Variants in SNW1 observed in about 807,000 individuals in gnomAD.
SNW1 encodes the protein SNW domain-containing protein 1.
Under a neutral mutation model 75.6 loss-of-function variants are expected in SNW1, and 9 were observed. That is an observed-to-expected ratio of 0.12 (90% CI 0.07 to 0.21). The LOEUF (loss-of-function observed/expected upper bound fraction) is 0.21. SNW1 is among the 10% of genes least tolerant of loss of function. The pLI is 1.00. For missense variants in SNW1, 409 were observed against 670.9 expected (o/e 0.61, Z 4.31); for synonymous variants, 200 against 219.1 (o/e 0.91, Z 0.77).
chr14:77,752,893 G>C (rs1316066283), intron 2 of SNW1, among the ~76,000 whole-genome samples: 1 of 152,164 alleles, frequency 6.6e-6, no homozygotes, highest in Non-Finnish European at 1.5e-5. Flanking sequence ...ATAAAGCTGA[G>C]AGACATTTTC....
chr14:77,723,418 T>C, intron 10 of SNW1, 141 bp from the exon 11 acceptor site: 1 of 648,054 alleles, frequency 1.5e-6, no homozygotes, highest in Non-Finnish European at 2.7e-6. Context: ...AGCATGAACA[T>C]GGTTCACTGC....
chr14:77,750,294 G>T (rs757751360), intron 3 of SNW1, among the ~76,000 whole-genome samples: 3 of 152,214 alleles, frequency 2.0e-5, no homozygotes, highest in Non-Finnish European at 4.4e-5. Context: ...GAGGAAAAAG[G>T]ACAAGTGCAG....
chr14:77,729,819 A>G (rs191412375), intron 10 of SNW1, among the ~76,000 whole-genome samples: 96 of 152,316 alleles, frequency 6.3e-4, no homozygotes, highest in African/African-American at 1.5e-3. Context: ...TTGTACCTCA[A>G]TAAAGCTGGA....
intron 1 of SNW1, 187 bp downstream of exon 1, chr14:77,760,927 G>T (rs1224872434): frequency 7.3e-7 from 1 of 1,366,710 alleles, no homozygotes; most frequent in Non-Finnish European, 1.0e-6. Flanking sequence ...CCGGGAAACC[G>T]CTGAAAGACC....
At chr14:77,758,315 CA>C (rs55707854) in intron 1 of SNW1, among the ~76,000 whole-genome samples, 70 of 85,822 alleles carry the variant, frequency 8.2e-4, no homozygotes, top group African/African-American at 1.4e-3. Flanking sequence ...GACTCTGCCA[CA>C]AAAAAAAAAA....
intron 10 of SNW1, among the ~76,000 whole-genome samples, chr14:77,727,301 T>C (rs566817554): frequency 1.3e-5 from 2 of 152,152 alleles, no homozygotes; most frequent in South Asian, 4.2e-4. Context: ...TGATTGCCCA[T>C]CTCAGCCTCC....
chr14:77,734,811 C>A, intron 8 of SNW1, 136 bp downstream of exon 8: 1 of 655,678 alleles, frequency 1.5e-6, no homozygotes. Context: ...AAAAAGTCAC[C>A]AAATTGGGCA....
intron 8 of SNW1, among the ~76,000 whole-genome samples, chr14:77,732,866 G>A (rs551967337): frequency 3.9e-5 from 6 of 152,302 alleles, no homozygotes; most frequent in Admixed American, 1.3e-4. Context: ...GTTTCACCAT[G>A]TTGGCCAGGA....
rs1432698420 is a variant in SNW1 at position 77,736,003 on chromosome 14, A to G, written c.642T>C (p.Ile214=). ...KDPMEPPRFK[I]NKKIPRGPPS... Reference sequence around the variant, plus strand: ...GTGGTCCCCGGGGAATTTTCTTATTAATCCTGAAGTATAAAAACACAACCA... The same window carrying G: ...GTGGTCCCCGGGGAATTTTCTTATTGATCCTGAAGTATAAAAACACAACCA... The change falls in exon 7 of 14, where the codon ATT becomes ATC. Residue 214 remains isoleucine, a synonymous_variant. Transcript: ENST00000261531. 3 of 1,611,908 alleles carry G rather than the reference A, an allele frequency of 1.9e-6. No homozygotes were observed. The highest frequency in any genetic ancestry group is 2.5e-6 in the Non-Finnish European group (3 of 1,178,284).
At chr14:77,759,795 G>A (rs985612198) in intron 1 of SNW1, among the ~76,000 whole-genome samples, 3 of 151,622 alleles carry the variant, frequency 2.0e-5, no homozygotes, top group Non-Finnish European at 4.4e-5. Flanking sequence ...GGCCAACGCA[G>A]TAACACCCTA....
intron 2 of SNW1, among the ~76,000 whole-genome samples, chr14:77,752,649 A>G (rs1331782654): frequency 2.6e-5 from 4 of 152,200 alleles, no homozygotes; most frequent in Non-Finnish European, 4.4e-5. Flanking sequence ...ATTTTCTACT[A>G]CTATGAAATA....
chr14:77,751,689 TATAAA>T (rs1256263346), intron 2 of SNW1, among the ~76,000 whole-genome samples: 2 of 151,940 alleles, frequency 1.3e-5, no homozygotes, highest in African/African-American at 2.4e-5. Flanking sequence ...ATGAAGGTAA[TATAAA>T]AGAAAAAGAC....
At chr14:77,727,306 G>A (rs2080593685) in intron 10 of SNW1, among the ~76,000 whole-genome samples, 1 of 152,140 alleles carries the variant, frequency 6.6e-6, no homozygotes, top group Non-Finnish European at 1.5e-5. Flanking sequence ...GCCCATCTCA[G>A]CCTCCCAAAG....
At chr14:77,755,660 G>A (rs1301597962) in intron 1 of SNW1, among the ~76,000 whole-genome samples, 2 of 151,770 alleles carry the variant, frequency 1.3e-5, no homozygotes, top group African/African-American at 2.4e-5. Flanking sequence ...CAAGTGATCC[G>A]CTGACCTTGG....
At position 77,730,052 on chromosome 14, in the gene SNW1, C is replaced by G. The variant is rs552596785; in HGVS notation, c.1033+936G>C. ...CTGCTCTTCCTTGGGCCACACTAGG[C>G]ATACTCCCATTTCAGAGCCATGTAC... On this transcript the variant is annotated intron_variant, in intron 10 of 13. Transcript: ENST00000261531. Among the ~76,000 whole-genome samples the G allele has an allele frequency of 3.9e-5, 6 of 152,296 alleles. 1 individual carries two copies. In the South Asian group the frequency reaches 1.2e-3, roughly 32 times the overall value.
chr14:77,738,267 C>T (rs1833966801), intron 5 of SNW1, among the ~76,000 whole-genome samples: 1 of 152,040 alleles, frequency 6.6e-6, no homozygotes, highest in Non-Finnish European at 1.5e-5. Flanking sequence ...CACCACTGCA[C>T]TCCAGCCTGG....
chr14:77,744,733 A>G (rs1242594238), intron 3 of SNW1, among the ~76,000 whole-genome samples: 1 of 152,160 alleles, frequency 6.6e-6, no homozygotes, highest in Non-Finnish European at 1.5e-5. Context: ...CAACCTGCCA[A>G]TGCCAAATTG....
At chr14:77,745,954 T>G (rs2080757611) in intron 3 of SNW1, among the ~76,000 whole-genome samples, 2 of 149,556 alleles carry the variant, frequency 1.3e-5, no homozygotes, top group Non-Finnish European at 3.0e-5. Flanking sequence ...AGCTCAGGAG[T>G]TCAAGGCTGC....
At chr14:77,758,871 T>C (rs2080863197) in intron 1 of SNW1, among the ~76,000 whole-genome samples, 1 of 152,232 alleles carries the variant, frequency 6.6e-6, no homozygotes, top group African/African-American at 2.4e-5. Flanking sequence ...ACCAGTCAAG[T>C]GTCCTCTAAT....
Sources: gnomAD v4.1 joint callset for allele counts (sites outside exome capture counted in the v4.1 genomes callset) on GRCh38, gnomAD v4.1.1 for gene constraint, MANE v1.5 for transcripts, NCBI Gene and HGNC (gene_info 2026-07-23, HGNC 2026-07-21) for gene names.